SNCB: variants seen among roughly 807,000 people sequenced by gnomAD.
The protein encoded by SNCB is synuclein beta, also known as beta-synuclein.
A neutral mutation model predicts 20.0 loss-of-function variants in SNCB; 8 were observed. The observed-to-expected ratio is 0.40, with a 90% CI of 0.24 to 0.72. The LOEUF (loss-of-function observed/expected upper bound fraction) is 0.72, where lower values mean the gene tolerates loss of function less well. Ranked by LOEUF, SNCB falls within the 30% of genes least tolerant of loss-of-function variation. The pLI, the probability that SNCB is intolerant of heterozygous loss-of-function variation, is 0.37. For missense variants in SNCB, 125 were observed against 168.0 expected, an observed-to-expected ratio of 0.74 and a Z score of 1.41; for synonymous variants, 56 against 65.4, an observed-to-expected ratio of 0.86 and a Z score of 0.69.
intron 2 of SNCB, among the ~76,000 whole-genome samples, chr5:176,628,681 C>A (rs1259307499): frequency 6.6e-6 from 1 of 152,210 alleles, no homozygotes; most frequent in African/African-American, 2.4e-5. Context: ...GAGGCATTCT[C>A]TTCAGGGAGC....
At chr5:176,628,116 G>A (rs990821228) in intron 2 of SNCB, among the ~76,000 whole-genome samples, 3 of 152,190 alleles carry the variant, frequency 2.0e-5, no homozygotes, top group Admixed American at 1.3e-4. Context: ...GAATGCCAGG[G>A]TACAGGGAGC....
Position 176,620,633 on chromosome 5 carries a change from C to G in SNCB, c.*178G>C, listed in dbSNP as rs745536342. 7 of 630,510 alleles carry G rather than the reference C, an allele frequency of 1.1e-5. No individual in the cohort carries two copies. The highest frequency in any genetic ancestry group is 2.0e-5 in the Non-Finnish European group (7 of 350,946). 39.1% of individuals were successfully genotyped at this position (630,510 alleles called of 1,614,324 possible). On this transcript the variant is annotated 3_prime_UTR_variant, in exon 6 of 6. Transcript: ENST00000393693. The surrounding 1 kb of genome is among the most constrained non-coding windows in gnomAD (Gnocchi z 4.5). ...GCCCTGTCCATGCCCCGGGGTTGGA[C>G]GCGGGCGGGTAGGACAGACAGATGG...
At position 176,628,467 on chromosome 5, in the gene SNCB, A is replaced by T. The variant is rs368124862; in HGVS notation, c.121+1067T>A. Among the ~76,000 whole-genome samples the T allele has an allele frequency of 4.1e-3, 623 of 152,298 alleles. 7 individuals carry two copies. Among genetic ancestry groups the T allele is most frequent in the African/African-American group, 0.014 (583 of 41,542 alleles). On this transcript the variant is annotated intron_variant, in intron 2 of 5. Transcript: ENST00000393693. ...CAAGTGACCGTTCTAAACTAATCAC[A>T]TCATGGCAGTCCCTTGCTTACAGTC...
rs748091208 is a variant in SNCB, at chr5:176,629,530, C to A, written c.121+4G>T. The A allele has an allele frequency of 6.2e-7, 1 of 1,613,084 alleles. No individual in the cohort carries two copies. The highest frequency in any genetic ancestry group is 1.1e-5 in the South Asian group (1 of 90,922). On this transcript the variant is annotated splice_donor_region_variant and intron_variant, in intron 2 of 5. Coordinates refer to ENST00000393693, the MANE Select transcript of SNCB (RefSeq NM_003085.5). The surrounding 1 kb of genome is among the most constrained non-coding windows in gnomAD (Gnocchi z 4.1). Reference sequence around the variant, plus strand: ...CAGCCCCAGAAACCCCGCCCCTTACCCACCGACGTAGAGGACGCCCTCCTT... The same window carrying A: ...CAGCCCCAGAAACCCCGCCCCTTACACACCGACGTAGAGGACGCCCTCCTT...
intron 4 of SNCB, among the ~76,000 whole-genome samples, chr5:176,624,825 A>C (rs1581170460): frequency 6.6e-6 from 1 of 151,856 alleles, no homozygotes; most frequent in Non-Finnish European, 1.5e-5. Context: ...AAACAAAAAA[A>C]AACAAATGGG....
Position 176,629,672 on chromosome 5 carries a change from G to A in SNCB, c.-9-9C>T. Reference sequence around the variant, plus strand: ...ACGTCCATCCTGGCGGCCTGGGGAGGGCGATACACGGGCACCGGTGCACTG... The same window carrying A: ...ACGTCCATCCTGGCGGCCTGGGGAGAGCGATACACGGGCACCGGTGCACTG... On this transcript the variant is annotated splice_polypyrimidine_tract_variant and intron_variant, in intron 1 of 5. Transcript: ENST00000393693. This position sits in a 1 kb window ranked among gnomAD's most constrained non-coding sequence, Gnocchi z 4.1. The A allele has an allele frequency of 6.2e-7, 1 of 1,611,896 alleles. No individual in the cohort carries two copies. The highest frequency in any genetic ancestry group is 8.5e-7 in the Non-Finnish European group (1 of 1,178,844).
Position 176,629,578 on chromosome 5 carries a change from AC to A in SNCB, c.76del (p.Val26SerfsTer59). On this transcript the variant is annotated frameshift_variant, in exon 2 of 6. Coordinates refer to ENST00000393693, the MANE Select transcript of SNCB (RefSeq NM_003085.5). LOFTEE classifies it high-confidence loss of function. The surrounding 1 kb of genome is among the most constrained non-coding windows in gnomAD (Gnocchi z 4.1). Reference sequence around the variant, plus strand: ...CTTGGTCTTCTCCGCCGCCTCGGTGACCCCCTGCTTGGTTTTCTCCGCGGCT... The same window carrying A: ...CTTGGTCTTCTCCGCCGCCTCGGTGACCCCTGCTTGGTTTTCTCCGCGGCT... ...VAAAEKTKQG[V>X]TEAAEKTKEG... 6.2e-7 allele frequency: 1 copy of A among 1,612,972 alleles called. No homozygotes were observed. The highest frequency in any genetic ancestry group is 8.5e-7 in the Non-Finnish European group (1 of 1,179,668).
chr5:176,627,153 C>T (rs188698647), intron 2 of SNCB, among the ~76,000 whole-genome samples: 2 of 152,336 alleles, frequency 1.3e-5, no homozygotes, highest in Non-Finnish European at 2.9e-5. Context: ...GCTGAACTGA[C>T]ATTCAAGTTC....
chr5:176,622,579 G>A (rs1759668824), intron 4 of SNCB, among the ~76,000 whole-genome samples: 1 of 152,164 alleles, frequency 6.6e-6, no homozygotes, highest in Admixed American at 6.5e-5. Flanking sequence ...TCAGTAGAAT[G>A]GATGTGTGCC....
At position 176,626,721 on chromosome 5, in the gene SNCB, T is replaced by C. The variant is rs770642651; in HGVS notation, c.162A>G (p.Ser54=). The C allele has an allele frequency of 1.2e-6, 2 of 1,614,006 alleles. No individual in the cohort carries two copies. Among genetic ancestry groups the C allele is most frequent in the Admixed American group, 3.3e-5 (2 of 60,006 alleles). Residue 54 remains serine, a splice_region_variant and synonymous_variant, in exon 3 of 6, where the codon TCA becomes TCG. Transcript: ENST00000393693. The surrounding 1 kb of genome is among the most constrained non-coding windows in gnomAD (Gnocchi z 4.2). ...TREGVVQGVA[S]VAEKTKEQAS... ...CTGGTGCCAGGGCTGGGCTAGTACCTGAAGCCACACCTTGTACCACACCTT... is the reference window on the plus strand; with the variant it reads ...CTGGTGCCAGGGCTGGGCTAGTACCCGAAGCCACACCTTGTACCACACCTT...
At position 176,629,858 on chromosome 5, in the gene SNCB, T is replaced by C; in HGVS notation, c.-9-195A>G. The C allele has an allele frequency of 1.5e-6, 1 of 687,206 alleles. No homozygotes were observed. The highest frequency in any genetic ancestry group is 2.2e-6 in the Non-Finnish European group (1 of 449,392). 42.6% of individuals were successfully genotyped at this position (687,206 alleles called of 1,614,324 possible). ...GGGCCGCGGAGAGTCCTAGCGTCCT[T>C]GAAACCTGGGGACGCGGGAGGGGCC... On this transcript the variant is annotated intron_variant, in intron 1 of 5. Coordinates refer to ENST00000393693, the MANE Select transcript of SNCB (RefSeq NM_003085.5). The surrounding 1 kb of genome is among the most constrained non-coding windows in gnomAD (Gnocchi z 4.1).
At position 176,630,341 on chromosome 5, in the gene SNCB, C is replaced by G. The variant is rs975657555; in HGVS notation, c.-71G>C. 1 of 152,858 alleles carries G rather than the reference C, an allele frequency of 6.5e-6. No individual in the cohort carries two copies. The highest frequency in any genetic ancestry group is 1.5e-5 in the Non-Finnish European group (1 of 68,492). 9.5% of individuals were successfully genotyped at this position (152,858 alleles called of 1,614,324 possible). A position where few individuals can be genotyped will look rare whatever the true frequency, so the allele number is the denominator to read the frequency against. On this transcript the variant is annotated 5_prime_UTR_variant, in exon 1 of 6. Transcript: ENST00000393693. ...CTGCGGCGGGCGGACGCGGGGGCTC[C>G]GCTAGGCCAGGCCGGGGTGGACCAG...
At position 176,620,602 on chromosome 5, in the gene SNCB, A is replaced by T; in HGVS notation, c.*209T>A. 1.7e-6 allele frequency: 1 copy of T among 605,462 alleles called. No individual in the cohort carries two copies. The highest frequency in any genetic ancestry group is 2.7e-5 in the East Asian group (1 of 36,400). The allele number at this position is 605,462 out of a possible 1,614,324, so 37.5% of individuals were successfully genotyped here. A position where few individuals can be genotyped will look rare whatever the true frequency, so the allele number is the denominator to read the frequency against. ...GGCGAGGCTCCCAGCCGCGACCGCA[A>T]CCCTGGCCCTGTCCATGCCCCGGGG... is the stretch of plus-strand genomic sequence containing the variant. On this transcript the variant is annotated 3_prime_UTR_variant, in exon 6 of 6. Transcript: ENST00000393693. This position sits in a 1 kb window ranked among gnomAD's most constrained non-coding sequence, Gnocchi z 4.5.
rs770048475 is a variant in SNCB at position 176,620,798 on chromosome 5, C to CT, written c.*12dup. 1 of 1,610,496 alleles carries CT rather than the reference C, an allele frequency of 6.2e-7. No individual in the cohort carries two copies. Among genetic ancestry groups the CT allele is most frequent in the South Asian group, 1.1e-5 (1 of 91,012 alleles). ...GACAGAATTGTGCTGCTGGTGGGGGCTCTCCTGGGCCCCTACGCCTCTGGC... is the reference window on the plus strand; with the variant it reads ...GACAGAATTGTGCTGCTGGTGGGGGCTTCTCCTGGGCCCCTACGCCTCTGGC... On this transcript the variant is annotated 3_prime_UTR_variant, in exon 6 of 6. Transcript: ENST00000393693. This position sits in a 1 kb window ranked among gnomAD's most constrained non-coding sequence, Gnocchi z 4.5.
Position 176,626,277 on chromosome 5 carries a change from T to C in SNCB, c.282+121A>G, listed in dbSNP as rs1759935351. 1 of 817,008 alleles carries C rather than the reference T, an allele frequency of 1.2e-6. No homozygotes were observed. Among genetic ancestry groups the C allele is most frequent in the Admixed American group, 1.7e-5 (1 of 57,512 alleles). 50.6% of individuals were successfully genotyped at this position (817,008 alleles called of 1,614,324 possible). Reference sequence around the variant, plus strand: ...GGATGGGAGGCAAAGTGGCTTGTGTTCCAAGCTGGTGGCAGGATTAGGGGG... The same window carrying C: ...GGATGGGAGGCAAAGTGGCTTGTGTCCCAAGCTGGTGGCAGGATTAGGGGG... On this transcript the variant is annotated intron_variant, in intron 4 of 5. Transcript: ENST00000393693. The surrounding 1 kb of genome is among the most constrained non-coding windows in gnomAD (Gnocchi z 4.2).
chr5:176,624,687 A>G (rs1017825950), intron 4 of SNCB, among the ~76,000 whole-genome samples: 1 of 151,982 alleles, frequency 6.6e-6, no homozygotes, highest in Non-Finnish European at 1.5e-5. Context: ...CTGTAATTCC[A>G]GCAACTTGGG....
chr5:176,626,629 C>T lies in SNCB; in HGVS notation c.163+91G>A, dbSNP rs1453900332. The T allele has an allele frequency of 1.3e-6, 2 of 1,546,126 alleles. No individual in the cohort carries two copies. The highest frequency in any genetic ancestry group is 1.8e-6 in the Non-Finnish European group (2 of 1,118,314). On this transcript the variant is annotated intron_variant, in intron 3 of 5. Coordinates refer to ENST00000393693, the MANE Select transcript of SNCB (RefSeq NM_003085.5). This position sits in a 1 kb window ranked among gnomAD's most constrained non-coding sequence, Gnocchi z 4.2. The stretch of plus-strand genomic sequence containing the variant: ...CCCCACGGAGCATTCCCGCAGAAGC[C>T]TTGGGAGTCTCCCCCGCCCCCGCCC...
At position 176,629,330 on chromosome 5, in the gene SNCB, T is replaced by A. The variant is rs968561565; in HGVS notation, c.121+204A>T. ...CTTTCAGCTGGAGCCCCCCACCTCATCAGCCCGCCCCGTGTCCCCATTTCC... is the reference window on the plus strand; with the variant it reads ...CTTTCAGCTGGAGCCCCCCACCTCAACAGCCCGCCCCGTGTCCCCATTTCC... On this transcript the variant is annotated intron_variant, in intron 2 of 5. Coordinates refer to ENST00000393693, the MANE Select transcript of SNCB (RefSeq NM_003085.5). The surrounding 1 kb of genome is among the most constrained non-coding windows in gnomAD (Gnocchi z 4.1). 1.0e-5 allele frequency: 6 copies of A among 600,208 alleles called. No homozygotes were observed. The highest frequency in any genetic ancestry group is 1.8e-5 in the Non-Finnish European group (6 of 339,962). The allele number at this position is 600,208 out of a possible 1,614,324, so 37.2% of individuals were successfully genotyped here.
chr5:176,628,363 T>A (rs538330853), intron 2 of SNCB, among the ~76,000 whole-genome samples: 114 of 152,234 alleles, frequency 7.5e-4, no homozygotes, highest in African/African-American at 2.6e-3. Flanking sequence ...CCGGTCTCCA[T>A]TGCCACCACC....
Sources: allele counts gnomAD v4.1 joint callset (sites outside exome capture counted in the v4.1 genomes callset), GRCh38; gene constraint gnomAD v4.1.1; non-coding constraint Gnocchi (gnomAD v3.1); transcripts MANE v1.5; gene names NCBI Gene and HGNC (gene_info 2026-07-23, HGNC 2026-07-21).